The following STPG2 variants were observed in gnomAD, a reference collection of about 807,000 sequenced individuals.
The protein encoded by STPG2 is sperm-tail PG-rich repeat-containing protein 2.
In STPG2, 56 loss-of-function variants were observed where a neutral mutation model predicts 54.2. That is an observed-to-expected ratio of 1.03 (90% CI 0.83 to 1.29). The LOEUF (loss-of-function observed/expected upper bound fraction) is 1.29. Ranked by LOEUF, STPG2 falls within the 50% of genes most tolerant of loss-of-function variation. The pLI, the probability that STPG2 is intolerant of heterozygous loss-of-function variation, is 0.00. For missense variants in STPG2, 596 were observed against 544.9 expected, an observed-to-expected ratio of 1.09 and a Z score of -0.93; for synonymous variants, 200 against 181.8, an observed-to-expected ratio of 1.10 and a Z score of -0.81.
intron 5 of STPG2, among the ~76,000 whole-genome samples, chr4:97,990,629 C>T (rs1274818453): frequency 6.6e-6 from 1 of 152,090 alleles, no homozygotes; most frequent in Non-Finnish European, 1.5e-5. Flanking sequence ...CAGACTGGCA[C>T]AAAATGAATC....
At chr4:97,768,704 CT>C (rs796323290) in intron 9 of STPG2, among the ~76,000 whole-genome samples, 262 of 145,406 alleles carry the variant, frequency 1.8e-3, no homozygotes, top group African/African-American at 4.1e-3. Flanking sequence ...GGTGGTCTCT[CT>C]TTTTTTTTTT....
intron 10 of STPG2, among the ~76,000 whole-genome samples, chr4:97,701,843 G>A (rs886598336): frequency 9.2e-5 from 14 of 152,140 alleles, no homozygotes; most frequent in African/African-American, 3.4e-4. Flanking sequence ...CGACCACTTT[G>A]CCTTTGACAG....
chr4:98,005,278 T>C lies in STPG2; in HGVS notation c.613-23960A>G, dbSNP rs1439250876. Reference sequence around the variant, plus strand: ...GGTCTGCCTCTCCTAGTCCAGTGACTCAAATGTTAATCTCCTTTGGCAACA... The same window carrying C: ...GGTCTGCCTCTCCTAGTCCAGTGACCCAAATGTTAATCTCCTTTGGCAACA... On this transcript the variant is annotated intron_variant, in intron 5 of 10. Coordinates refer to ENST00000295268, the MANE Select transcript of STPG2 (RefSeq NM_174952.3). 3.9e-5 allele frequency among the ~76,000 whole-genome samples: 6 copies of C among 152,246 alleles called. No individual in the cohort carries two copies. The East Asian group carries it at 7.7e-4, about 20-fold the overall frequency.
At chr4:97,789,577 A>G (rs1226034055) in intron 9 of STPG2, among the ~76,000 whole-genome samples, 1 of 152,182 alleles carries the variant, frequency 6.6e-6, no homozygotes, top group Non-Finnish European at 1.5e-5. Context: ...TAAGTGCCAT[A>G]CACTTACTAT....
At chr4:97,889,957 A>C (rs1730708001) in intron 8 of STPG2, among the ~76,000 whole-genome samples, 1 of 152,192 alleles carries the variant, frequency 6.6e-6, no homozygotes, top group South Asian at 2.1e-4. Context: ...GTTGGAAGAC[A>C]AAATTTTCAG....
intron 9 of STPG2, among the ~76,000 whole-genome samples, chr4:97,778,478 C>T (rs1423622688): frequency 6.6e-6 from 1 of 152,152 alleles, no homozygotes; most frequent in East Asian, 1.9e-4. Context: ...AGGAGGACTG[C>T]CTGCCTCTGT....
intron 10 of STPG2, among the ~76,000 whole-genome samples, chr4:97,573,064 A>G (rs947846037): frequency 1.3e-5 from 2 of 152,038 alleles, no homozygotes; most frequent in Non-Finnish European, 2.9e-5. Context: ...GCAGTGGCTT[A>G]ATAAAAATGC....
At chr4:98,074,746 C>T (rs989512563) in intron 5 of STPG2, among the ~76,000 whole-genome samples, 5 of 152,150 alleles carry the variant, frequency 3.3e-5, no homozygotes, top group South Asian at 2.1e-4. Flanking sequence ...TGGCATTCTT[C>T]GTTTTATGTA....
At chr4:97,698,233 G>A (rs1182190636) in intron 10 of STPG2, among the ~76,000 whole-genome samples, 1 of 152,076 alleles carries the variant, frequency 6.6e-6, no homozygotes, top group African/African-American at 2.4e-5. Flanking sequence ...TTTCTGCCTG[G>A]ATTGGCAGAA....
At chr4:97,622,845 A>G (rs1268429166) in intron 10 of STPG2, among the ~76,000 whole-genome samples, 1 of 152,206 alleles carries the variant, frequency 6.6e-6, no homozygotes, top group African/African-American at 2.4e-5. Flanking sequence ...ACCTGGTGGC[A>G]TCACATTACC....
chr4:97,491,362 C>A (rs1253531448), intron 4 of STPG2, among the ~76,000 whole-genome samples: 1 of 151,430 alleles, frequency 6.6e-6, no homozygotes, highest in Non-Finnish European at 1.5e-5. Context: ...AGATTACCTA[C>A]CTCAAAGAAC....
rs1723366100 is a variant in STPG2 at position 97,691,545 on chromosome 4, C to A, written c.1320+21154G>T. On this transcript the variant is annotated intron_variant, in intron 10 of 10. Transcript: ENST00000295268. ...AAGCCCTGCCCAAGGAGAGTCTAAG[C>A]TCAGACACACCTAACCCTGCCTCCA... Among the ~76,000 whole-genome samples, 2 of 152,064 alleles carry A rather than the reference C, an allele frequency of 1.3e-5. 1 individual carries two copies. Among genetic ancestry groups the A allele is most frequent in the South Asian group, 4.2e-4 (2 of 4,816 alleles).
At chr4:98,002,527 A>G (rs1735443456) in intron 5 of STPG2, among the ~76,000 whole-genome samples, 1 of 152,036 alleles carries the variant, frequency 6.6e-6, no homozygotes, top group Admixed American at 6.6e-5. Flanking sequence ...AAGCAGATGA[A>G]TAAGGTCATC....
intron 4 of STPG2, among the ~76,000 whole-genome samples, chr4:97,452,757 C>T (rs1729409693): frequency 6.6e-6 from 1 of 152,110 alleles, no homozygotes; most frequent in Admixed American, 6.5e-5. Flanking sequence ...CTCCTCTCTG[C>T]TGAGAGTTGG....
At chr4:97,848,822 T>C (rs1450464773) in intron 8 of STPG2, among the ~76,000 whole-genome samples, 1 of 150,348 alleles carries the variant, frequency 6.7e-6, no homozygotes, top group East Asian at 2.0e-4. Flanking sequence ...GTATGCGGCG[T>C]TATTTCTGAG....
intron 4 of STPG2, among the ~76,000 whole-genome samples, chr4:97,511,403 A>C (rs1374481706): frequency 6.6e-6 from 1 of 152,086 alleles, no homozygotes; most frequent in Non-Finnish European, 1.5e-5. Flanking sequence ...TTTCAATAAG[A>C]AAGTAAAACA....
At chr4:98,136,514 G>A (rs916100981) in intron 1 of STPG2, among the ~76,000 whole-genome samples, 2 of 151,596 alleles carry the variant, frequency 1.3e-5, no homozygotes, top group Non-Finnish European at 3.0e-5. Context: ...AAAATAGAAT[G>A]GTTGTGTGGG....
intron 3 of STPG2, among the ~76,000 whole-genome samples, chr4:98,121,487 C>T (rs1191725191): frequency 2.0e-5 from 3 of 151,822 alleles, no homozygotes; most frequent in Non-Finnish European, 1.5e-5. Context: ...GCAATATAGC[C>T]TTTTTCATGA....
At chr4:97,940,096 G>T (rs547749755) in intron 8 of STPG2, among the ~76,000 whole-genome samples, 1 of 152,104 alleles carries the variant, frequency 6.6e-6, no homozygotes, top group Non-Finnish European at 1.5e-5. Flanking sequence ...CTTGGTTGAA[G>T]ATTTTTTCTT....
Sources: gnomAD v4.1 joint callset for allele counts (sites outside exome capture counted in the v4.1 genomes callset) on GRCh38, gnomAD v4.1.1 for gene constraint, MANE v1.5 for transcripts, NCBI Gene and HGNC (gene_info 2026-07-23, HGNC 2026-07-21) for gene names.